RIC8B: variants seen among roughly 807,000 people sequenced by gnomAD.
The protein encoded by RIC8B is RIC8 guanine nucleotide exchange factor B, also known as chaperone Ric-8B.
In RIC8B, 16 loss-of-function variants were observed where a neutral mutation model predicts 57.5. That is an observed-to-expected ratio of 0.28 (90% CI 0.19 to 0.42). RIC8B has a LOEUF of 0.42. Among genes scored for constraint, RIC8B ranks in the 10% least tolerant of loss-of-function variants. The probability of loss-of-function intolerance (pLI) is 1.00; values close to 1 mark genes in which losing one functional copy is unlikely to be tolerated. For synonymous variants in RIC8B, 216 were observed against 250.8 expected (o/e 0.86, Z 1.31); for missense variants, 481 against 677.0 (o/e 0.71, Z 3.21).
At chr12:106,816,353 C>T (rs538764212) in intron 3 of RIC8B, among the ~76,000 whole-genome samples, 3 of 152,224 alleles carry the variant, frequency 2.0e-5, no homozygotes, top group Non-Finnish European at 2.9e-5. Context: ...AGTTTTAAAG[C>T]GCAAATAGAT....
At chr12:106,805,852 C>G (rs2044989605) in intron 2 of RIC8B, among the ~76,000 whole-genome samples, 1 of 152,166 alleles carries the variant, frequency 6.6e-6, no homozygotes, top group African/African-American at 2.4e-5. Flanking sequence ...CAGCCCATTT[C>G]TCTGTTTGTC....
At chr12:106,801,639 G>T (rs1475840513) in intron 2 of RIC8B, among the ~76,000 whole-genome samples, 2 of 152,102 alleles carry the variant, frequency 1.3e-5, no homozygotes, top group Non-Finnish European at 2.9e-5. Flanking sequence ...TCTTTTACAT[G>T]AACTCAGCTG....
At chr12:106,788,438 G>T (rs1293271250) in intron 2 of RIC8B, among the ~76,000 whole-genome samples, 1 of 152,180 alleles carries the variant, frequency 6.6e-6, no homozygotes, top group Non-Finnish European at 1.5e-5. Context: ...ACTCCGTGTG[G>T]GGGCTCTGAA....
chr12:106,812,497 G>T (rs2045380338), intron 2 of RIC8B, among the ~76,000 whole-genome samples: 4 of 151,198 alleles, frequency 2.6e-5, no homozygotes, highest in Admixed American at 6.6e-5. Flanking sequence ...TAGAATGGAA[G>T]AAAGATATTT....
chr12:106,800,134 T>A (rs995117461), intron 2 of RIC8B, among the ~76,000 whole-genome samples: 2 of 152,126 alleles, frequency 1.3e-5, no homozygotes, highest in Non-Finnish European at 2.9e-5. Flanking sequence ...CCCTCATGAC[T>A]TCACCTAACC....
chr12:106,833,712 A>G (rs1334446334), intron 4 of RIC8B, among the ~76,000 whole-genome samples: 1 of 152,192 alleles, frequency 6.6e-6, no homozygotes, highest in East Asian at 1.9e-4. Context: ...ATTAGCTAAT[A>G]GCTGTGGGCA....
rs1032929519 is a variant in RIC8B, at chr12:106,812,257, C to A, written c.133-2439C>A. On this transcript the variant is annotated intron_variant, in intron 2 of 9. Transcript: ENST00000392837. ...TGCTTGCTGGATGATCTTCTACAAG[C>A]TTTTAGATGAAGCAGTTTTTAACTA... 1.3e-5 allele frequency among the ~76,000 whole-genome samples: 2 copies of A among 152,076 alleles called. 1 individual carries two copies. Among genetic ancestry groups the A allele is most frequent in the African/African-American group, 4.8e-5 (2 of 41,416 alleles).
chr12:106,831,262 C>T (rs1307340718), intron 4 of RIC8B, among the ~76,000 whole-genome samples: 1 of 152,206 alleles, frequency 6.6e-6, no homozygotes, highest in African/African-American at 2.4e-5. Context: ...TTCTCCACTG[C>T]ACACAGAGGT....
chr12:106,806,053 G>A (rs988243963), intron 2 of RIC8B, among the ~76,000 whole-genome samples: 6 of 152,124 alleles, frequency 3.9e-5, no homozygotes, highest in African/African-American at 9.7e-5. Flanking sequence ...GGGTTCAAGC[G>A]ACTCTTCTGC....
chr12:106,814,214 C>T (rs1482325469), intron 2 of RIC8B, among the ~76,000 whole-genome samples: 1 of 152,136 alleles, frequency 6.6e-6, no homozygotes, highest in Non-Finnish European at 1.5e-5. Context: ...GCTAATTCAA[C>T]TCTATTTGGA....
rs142630159 is a variant in RIC8B at position 106,880,325 on chromosome 12, T to C, written c.1572-5579T>C. ...AAACAAAGGCTTAGTAATAATGAGT[T>C]TGAGTATCTTTAAAAACCTAGCAGC... is the stretch of plus-strand genomic sequence containing the variant. On this transcript the variant is annotated intron_variant, in intron 9 of 9. Coordinates refer to ENST00000392837, the MANE Select transcript of RIC8B (RefSeq NM_001330145.2). Among the ~76,000 whole-genome samples, 752 of 152,310 alleles carry C rather than the reference T, an allele frequency of 4.9e-3. 5 individuals are homozygous for C. The highest frequency in any genetic ancestry group is 0.017 in the African/African-American group (702 of 41,566).
chr12:106,779,222 C>T (rs2043635169), intron 1 of RIC8B, among the ~76,000 whole-genome samples: 1 of 146,900 alleles, frequency 6.8e-6, no homozygotes, highest in African/African-American at 2.5e-5. Flanking sequence ...TGGGCATATC[C>T]TCCTATATAC....
intron 7 of RIC8B, among the ~76,000 whole-genome samples, chr12:106,858,944 C>A (rs372410042): frequency 6.6e-6 from 1 of 152,142 alleles, no homozygotes. Context: ...ATCATATATA[C>A]CCACTTTTCT....
intron 9 of RIC8B, among the ~76,000 whole-genome samples, chr12:106,875,698 A>T (rs989687501): frequency 3.3e-5 from 5 of 152,098 alleles, no homozygotes; most frequent in African/African-American, 1.2e-4. Flanking sequence ...ATCAAAATCT[A>T]TGTTTTAAAA....
chr12:106,877,183 CCATATACG>C (rs1474477754), intron 9 of RIC8B, among the ~76,000 whole-genome samples: 5 of 151,988 alleles, frequency 3.3e-5, no homozygotes, highest in African/African-American at 1.2e-4. Context: ...AAAAATGCTT[CCATATACG>C]TTATCTCCAT....
chr12:106,785,811 C>G (rs867800904), intron 2 of RIC8B, among the ~76,000 whole-genome samples: 2 of 122,260 alleles, frequency 1.6e-5, no homozygotes, highest in African/African-American at 3.2e-5. Context: ...CTCTCTCTCT[C>G]TCTGTGTGTG....
chr12:106,797,118 T>C (rs780148279), intron 2 of RIC8B, among the ~76,000 whole-genome samples: 5 of 152,136 alleles, frequency 3.3e-5, no homozygotes, highest in African/African-American at 7.2e-5. Context: ...CCTCAAAAGG[T>C]TGAATAATTA....
At chr12:106,783,898 A>C in intron 1 of RIC8B, 99 bp from the exon 2 acceptor site, 1 of 1,101,478 alleles carries the variant, frequency 9.1e-7, no homozygotes, top group Non-Finnish European at 1.3e-6. Context: ...GGAAGGCAAC[A>C]TTTTTTACAG....
At chr12:106,857,413 A>C (rs149304174) in intron 7 of RIC8B, among the ~76,000 whole-genome samples, 59 of 152,300 alleles carry the variant, frequency 3.9e-4, no homozygotes, top group African/African-American at 1.4e-3. Context: ...GGTAGAACCC[A>C]CATTTGTGTA....
Sources: allele counts gnomAD v4.1 joint callset (sites outside exome capture counted in the v4.1 genomes callset), GRCh38; gene constraint gnomAD v4.1.1; transcripts MANE v1.5; gene names NCBI Gene and HGNC (gene_info 2026-07-23, HGNC 2026-07-21).